Variants in XKR9 observed in about 807,000 individuals in gnomAD.
The protein encoded by XKR9 is XK related 9, also known as XK-related protein 9.
Under a neutral mutation model 32.0 loss-of-function variants are expected in XKR9, and 32 were observed. The observed-to-expected ratio is 1.00, with a 90% confidence interval of 0.76 to 1.34. The LOEUF is 1.34. Among genes scored for constraint, XKR9 ranks in the 40% most tolerant of loss-of-function variants. The pLI is 0.00. For missense variants in XKR9, 546 were observed against 429.7 expected (o/e 1.27, Z -2.39); for synonymous variants, 168 against 143.4 (o/e 1.17, Z -1.22).
chr8:70,818,481 A>G, the XKR9 span, among the ~76,000 whole-genome samples: 1 of 152,156 alleles, frequency 6.6e-6, no homozygotes, highest in Admixed American at 6.5e-5. Flanking sequence ...ATTTATTATA[A>G]TATAACTAAC....
the XKR9 span, among the ~76,000 whole-genome samples, chr8:70,827,771 G>T: frequency 1.3e-5 from 2 of 152,152 alleles, no homozygotes; most frequent in African/African-American, 4.8e-5. Context: ...GGGAAAAAAA[G>T]TGGTCATTTT....
chr8:70,883,745 T>A, the XKR9 span, among the ~76,000 whole-genome samples: 2 of 152,150 alleles, frequency 1.3e-5, no homozygotes. Flanking sequence ...TAATATTCCA[T>A]TGTCTAGATG....
At chr8:70,673,665 C>T (rs557925806) in intron 1 of XKR9, among the ~76,000 whole-genome samples, 62 of 151,540 alleles carry the variant, frequency 4.1e-4, no homozygotes, top group Middle Eastern at 6.8e-3. Context: ...CTTGGGAGGC[C>T]GAGGCAGGAG....
the XKR9 span, among the ~76,000 whole-genome samples, chr8:70,802,573 C>G: frequency 3.3e-5 from 5 of 151,972 alleles, no homozygotes; most frequent in African/African-American, 1.2e-4. Flanking sequence ...ATTGTGTCTG[C>G]GTTCTTAAGT....
intron 2 of XKR9, among the ~76,000 whole-genome samples, chr8:70,783,461 C>T (rs56226958): frequency 0.33 from 50,359 of 151,978 alleles, 9,471 homozygotes; most frequent in Non-Finnish European, 0.43. Flanking sequence ...CTCCTGACCT[C>T]GTGATCTGCC....
At chr8:70,856,715 A>G in the XKR9 span, among the ~76,000 whole-genome samples, 2 of 152,198 alleles carry the variant, frequency 1.3e-5, no homozygotes, top group East Asian at 3.8e-4. Context: ...TTGACCACAT[A>G]GTTGGAAGTA....
chr8:70,808,394 G>C, the XKR9 span, among the ~76,000 whole-genome samples: 1 of 151,954 alleles, frequency 6.6e-6, no homozygotes. Flanking sequence ...TATGATTTCT[G>C]CATTTCCAAC....
intron 4 of XKR9, among the ~76,000 whole-genome samples, chr8:70,708,404 G>T (rs1328376032): frequency 1.3e-5 from 2 of 152,060 alleles, no homozygotes; most frequent in South Asian, 4.1e-4. Flanking sequence ...GGAAATTGAG[G>T]TAAGTTATTT....
chr8:71,061,495 A>G, the XKR9 span, among the ~76,000 whole-genome samples: 1 of 152,304 alleles, frequency 6.6e-6, no homozygotes, highest in South Asian at 2.1e-4. Flanking sequence ...GGAACCAAAT[A>G]TATCTCCCTT....
intron 2 of XKR9, among the ~76,000 whole-genome samples, chr8:70,777,495 T>A (rs2130245013): frequency 6.6e-6 from 1 of 152,332 alleles, no homozygotes; most frequent in Non-Finnish European, 1.5e-5. Flanking sequence ...CTGGGTCAAA[T>A]GGTATTTCTA....
chr8:70,865,524 T>C, the XKR9 span, among the ~76,000 whole-genome samples: 1 of 152,102 alleles, frequency 6.6e-6, no homozygotes, highest in African/African-American at 2.4e-5. Flanking sequence ...TAATTTTCAA[T>C]TTTTTTAAAG....
the XKR9 span, among the ~76,000 whole-genome samples, chr8:71,001,855 A>AT: frequency 6.6e-6 from 1 of 152,220 alleles, no homozygotes; most frequent in Admixed American, 6.5e-5. Context: ...GGACTTCTAG[A>AT]TAAAGTTGAA....
the XKR9 span, among the ~76,000 whole-genome samples, chr8:70,993,451 C>T: frequency 6.6e-6 from 1 of 152,052 alleles, no homozygotes; most frequent in African/African-American, 2.4e-5. Context: ...CTGTGATTCC[C>T]CTGACAGTGT....
chr8:70,844,710 T>C, the XKR9 span, among the ~76,000 whole-genome samples: 1 of 152,228 alleles, frequency 6.6e-6, no homozygotes, highest in Non-Finnish European at 1.5e-5. Context: ...CCCAGTGGAC[T>C]GAGCATGGGC....
At chr8:70,681,605 C>T (rs755496613) in intron 3 of XKR9, among the ~76,000 whole-genome samples, 6 of 152,068 alleles carry the variant, frequency 3.9e-5, no homozygotes, top group Non-Finnish European at 7.4e-5. Flanking sequence ...CTATGTCTTA[C>T]AGAACTTTTA....
At chr8:70,920,267 G>A in the XKR9 span, among the ~76,000 whole-genome samples, 4 of 152,064 alleles carry the variant, frequency 2.6e-5, no homozygotes, top group African/African-American at 9.7e-5. Flanking sequence ...TCTAAGAGTG[G>A]AATCTCATTG....
the XKR9 span, among the ~76,000 whole-genome samples, chr8:71,002,573 G>T: frequency 2.6e-5 from 4 of 151,956 alleles, no homozygotes; most frequent in Admixed American, 2.6e-4. Flanking sequence ...GTTTTATACG[G>T]TCTCCCTTTT....
the XKR9 span, among the ~76,000 whole-genome samples, chr8:70,872,569 T>C: frequency 1.3e-5 from 2 of 152,334 alleles, no homozygotes; most frequent in East Asian, 3.9e-4. Context: ...AGAAGATAGC[T>C]TCTAGGACTT....
chr8:71,036,879 T>C, the XKR9 span, among the ~76,000 whole-genome samples: 1 of 151,104 alleles, frequency 6.6e-6, no homozygotes. Context: ...CCTTTTTTTT[T>C]TTTTTTTTAA....
Sources: gnomAD v4.1 joint callset for allele counts (sites outside exome capture counted in the v4.1 genomes callset) on GRCh38, gnomAD v4.1.1 for gene constraint, MANE v1.5 for transcripts, NCBI Gene and HGNC (gene_info 2026-07-23, HGNC 2026-07-21) for gene names.